The following ATF2 variants were observed in gnomAD, a reference collection of about 807,000 sequenced individuals.
The protein encoded by ATF2 is cyclic AMP-dependent transcription factor ATF-2.
A neutral mutation model predicts 60.6 loss-of-function variants in ATF2; 24 were observed. The observed-to-expected ratio is 0.40, with a 90% CI of 0.29 to 0.56. The LOEUF is 0.56. Among genes scored for constraint, ATF2 ranks in the 20% least tolerant of loss-of-function variants. The pLI, the probability that ATF2 is intolerant of heterozygous loss-of-function variation, is 0.54. For missense variants in ATF2, 433 were observed against 607.7 expected (o/e 0.71, Z 3.02); for synonymous variants, 206 against 215.4 (o/e 0.96, Z 0.38).
In ATF2 at chr2:175,136,427, T is replaced by C; in HGVS notation, c.17A>G (p.His6Arg). Residue 6 changes from histidine (H) to arginine (R), a missense_variant, in exon 3 of 14, where the codon CAT (histidine) becomes CGT (arginine). Around this residue, in one of 5 missense-constraint regions of ATF2, gnomAD observed 20 missense variants for 16.9 expected, o/e 1.19. Transcript: ENST00000264110. The part of the protein sequence containing the change: MKFKL[H>R]VNSARQYKDL... ...GCACACATACCTGGCAGAATTCACA[T>C]GTAACTTGAATTTCATAAGTTGAAT... The C allele has an allele frequency of 1.9e-6, 3 of 1,610,396 alleles. No individual in the cohort carries two copies. The highest frequency in any genetic ancestry group is 3.4e-5 in the Admixed American group (2 of 59,442).
At chr2:175,123,264 T>C (rs568242824) in intron 4 of ATF2, among the ~76,000 whole-genome samples, 15 of 152,234 alleles carry the variant, frequency 9.9e-5, no homozygotes, top group Non-Finnish European at 2.1e-4. Flanking sequence ...ATACTGACAT[T>C]AATATTTTAT....
rs13030820 is a variant in ATF2, at chr2:175,141,920, T to C, written c.-43-5434A>G. 7.0e-4 allele frequency among the ~76,000 whole-genome samples: 107 copies of C among 152,188 alleles called. 1 individual carries two copies. Among genetic ancestry groups the C allele is most frequent in the Admixed American group, 1.8e-3 (28 of 15,286 alleles). On this transcript the variant is annotated intron_variant, in intron 2 of 13. Coordinates refer to ENST00000264110, the MANE Select transcript of ATF2 (RefSeq NM_001880.4). ...GTTGTCAAACTTCAAATGAGAAATA[T>C]GACCAAAAACAGCTCTGGGGTAAAA...
chr2:175,141,021 A>T (rs1260359511), intron 2 of ATF2, among the ~76,000 whole-genome samples: 1 of 117,100 alleles, frequency 8.5e-6, no homozygotes, highest in Non-Finnish European at 1.8e-5. Context: ...AAAAAAAAAA[A>T]AAAAAAAAAA....
chr2:175,099,507 T>C (rs570690555), intron 10 of ATF2, among the ~76,000 whole-genome samples: 1 of 152,222 alleles, frequency 6.6e-6, no homozygotes, highest in Non-Finnish European at 1.5e-5. Context: ...CCTGTCATAC[T>C]CTCCTTCTAC....
At chr2:175,108,206 C>G (rs1695849352) in intron 10 of ATF2, among the ~76,000 whole-genome samples, 1 of 151,734 alleles carries the variant, frequency 6.6e-6, no homozygotes, top group South Asian at 2.1e-4. Flanking sequence ...GTGAGGAGCC[C>G]CGCCGCCCGG....
chr2:175,104,848 G>A (rs1355298732), intron 10 of ATF2, among the ~76,000 whole-genome samples: 9 of 152,036 alleles, frequency 5.9e-5, no homozygotes, highest in African/African-American at 2.2e-4. Context: ...CTTGCCAAGC[G>A]GAATAACACG....
At chr2:175,156,964 C>T (rs1038855375) in intron 1 of ATF2, among the ~76,000 whole-genome samples, 1 of 152,126 alleles carries the variant, frequency 6.6e-6, no homozygotes, top group Non-Finnish European at 1.5e-5. Context: ...GCAGCACCAC[C>T]TTATAGACAC....
rs555144218 is a variant in ATF2, at chr2:175,113,918, G to A, written c.741+76C>T. 9 of 1,256,092 alleles carry A rather than the reference G, an allele frequency of 7.2e-6. No homozygotes were observed. In the African/African-American group the frequency reaches 9.1e-5, roughly 13 times the overall value. 77.8% of individuals were successfully genotyped at this position (1,256,092 alleles called of 1,614,324 possible). On this transcript the variant is annotated intron_variant, in intron 9 of 13. Coordinates refer to ENST00000264110, the MANE Select transcript of ATF2 (RefSeq NM_001880.4). ...ATGTTAAATTCAATTTCATAAGCCA[G>A]TCAAGCAGCCAACTTTATTTTCTGA...
intron 10 of ATF2, among the ~76,000 whole-genome samples, chr2:175,100,626 A>G (rs564264129): frequency 4.6e-5 from 7 of 152,278 alleles, no homozygotes; most frequent in African/African-American, 1.7e-4. Context: ...AGCTCCCACA[A>G]TTTACCTACA....
chr2:175,153,778 G>C (rs1699469603), intron 1 of ATF2, among the ~76,000 whole-genome samples: 1 of 145,688 alleles, frequency 6.9e-6, no homozygotes, highest in South Asian at 2.3e-4. Flanking sequence ...GTTGCAGTGA[G>C]TCGAGATCAC....
rs942144824 is a variant in ATF2 at position 175,074,495 on chromosome 2, T to TA, written c.*113dup. The TA allele has an allele frequency of 0.02, 19,398 of 976,734 alleles. No individual in the cohort carries two copies. Among genetic ancestry groups the TA allele is most frequent in the Non-Finnish European group, 0.022 (15,882 of 718,648 alleles). 60.5% of individuals were successfully genotyped at this position (976,734 alleles called of 1,614,324 possible). On this transcript the variant is annotated 3_prime_UTR_variant, in exon 14 of 14. Transcript: ENST00000264110. ...CTTTAGAGCCAAATTTAATTTCAAG[T>TA]AAAAAAAAAAAATTTACAACCACAG...
intron 4 of ATF2, among the ~76,000 whole-genome samples, chr2:175,123,674 T>C (rs1440860725): frequency 1.3e-5 from 2 of 152,028 alleles, no homozygotes; most frequent in Non-Finnish European, 2.9e-5. Flanking sequence ...ATATTTAGGA[T>C]CATATGAATA....
intron 2 of ATF2, among the ~76,000 whole-genome samples, chr2:175,138,229 C>A (rs572865195): frequency 3.3e-5 from 5 of 152,280 alleles, no homozygotes; most frequent in Non-Finnish European, 5.9e-5. Context: ...TCTAACATTT[C>A]TTTATCTTCC....
chr2:175,155,961 G>C (rs1468654311), intron 1 of ATF2, among the ~76,000 whole-genome samples: 1 of 152,078 alleles, frequency 6.6e-6, no homozygotes. Context: ...TTCTTTTCAG[G>C]AGTATATGAG....
chr2:175,144,497 T>C (rs2105793602), intron 2 of ATF2, among the ~76,000 whole-genome samples: 1 of 151,856 alleles, frequency 6.6e-6, no homozygotes, highest in Admixed American at 6.6e-5. Flanking sequence ...TAGAAGAAAA[T>C]GGAAGAAATT....
chr2:175,111,491 T>C (rs1696188013), intron 10 of ATF2, 77 bp downstream of exon 10: 1 of 1,307,638 alleles, frequency 7.6e-7, no homozygotes, highest in Non-Finnish European at 1.1e-6. Flanking sequence ...AAATTGTGCA[T>C]TTGAAGCAGG....
In ATF2 at chr2:175,080,787, T is replaced by C. The variant is rs188510894; in HGVS notation, c.1186-22A>G. ...CACTCTGGAGAAGAAACAACTTATG[T>C]ACCTTACCACAGACTAAACATATTT... is the stretch of plus-strand genomic sequence containing the variant. On this transcript the variant is annotated intron_variant, in intron 12 of 13. Coordinates refer to ENST00000264110, the MANE Select transcript of ATF2 (RefSeq NM_001880.4). 1.0e-3 allele frequency: 1,631 copies of C among 1,574,982 alleles called. 25 individuals are homozygous for C. The Middle Eastern group carries it at 0.034, about 32-fold the overall frequency.
At chr2:175,142,186 CTTTTTT>C (rs377013083) in intron 2 of ATF2, among the ~76,000 whole-genome samples, 3 of 133,030 alleles carry the variant, frequency 2.3e-5, no homozygotes, top group African/African-American at 8.3e-5. Flanking sequence ...GTTTTCTTTT[CTTTTTT>C]TTTTTTTTTT....
intron 1 of ATF2, among the ~76,000 whole-genome samples, chr2:175,154,067 T>C: frequency 6.7e-6 from 1 of 150,124 alleles, no homozygotes; most frequent in East Asian, 2.0e-4. Flanking sequence ...AATACAAAAT[T>C]AGCCGGTGTG....
Sources: allele counts gnomAD v4.1 joint callset (sites outside exome capture counted in the v4.1 genomes callset), GRCh38; gene constraint gnomAD v4.1.1; regional missense constraint gnomAD v4.1.1; transcripts MANE v1.5; gene names NCBI Gene and HGNC (gene_info 2026-07-23, HGNC 2026-07-21).